Variants in EPB41L3 observed in about 807,000 individuals in gnomAD.
The protein encoded by EPB41L3 is erythrocyte membrane protein band 4.1 like 3.
Under a neutral mutation model 127.1 loss-of-function variants are expected in EPB41L3, and 57 were observed. The ratio of observed to expected loss-of-function variants is 0.45; its 90% CI spans 0.36 to 0.56. EPB41L3 has a LOEUF of 0.56. EPB41L3 is among the 20% of genes least tolerant of loss of function. The pLI is 0.00. For synonymous variants in EPB41L3, 572 were observed against 549.5 expected, an observed-to-expected ratio of 1.04 and a Z score of -0.57; for missense variants, 1,273 against 1,372.2, an observed-to-expected ratio of 0.93 and a Z score of 1.14.
At chr18:5,441,013 A>G (rs2080633637) in intron 5 of EPB41L3, among the ~76,000 whole-genome samples, 1 of 152,132 alleles carries the variant, frequency 6.6e-6, no homozygotes, top group African/African-American at 2.4e-5. Flanking sequence ...AGTAGCCAGG[A>G]CTAACTAACT....
chr18:5,447,619 C>T (rs375005290), intron 3 of EPB41L3, among the ~76,000 whole-genome samples: 6 of 152,128 alleles, frequency 3.9e-5, no homozygotes, highest in East Asian at 1.9e-4. Context: ...CATTTTCTGA[C>T]GCAAGAGACC....
intron 3 of EPB41L3, among the ~76,000 whole-genome samples, chr18:5,597,181 C>T (rs2094545100): frequency 6.6e-6 from 1 of 152,194 alleles, no homozygotes; most frequent in African/African-American, 2.4e-5. Flanking sequence ...CTAATCTCCC[C>T]CTCATGCCAC....
chr18:5,609,845 C>T (rs2094705374), intron 3 of EPB41L3, among the ~76,000 whole-genome samples: 1 of 151,562 alleles, frequency 6.6e-6, no homozygotes, highest in Admixed American at 6.6e-5. Flanking sequence ...CATAAAGAAG[C>T]ATTATTAAAT....
In EPB41L3 at chr18:5,475,502, C is replaced by A. The variant is rs1416970217; in HGVS notation, c.381+2739G>T. ...AAACAGGATGGCTCGCTGCCTTCTG[C>A]AAACCTAACACTATGCTTCCACGGA... On this transcript the variant is annotated intron_variant, in intron 3 of 22. Coordinates refer to ENST00000341928, the MANE Select transcript of EPB41L3 (RefSeq NM_012307.5). Among the ~76,000 whole-genome samples the A allele has an allele frequency of 2.0e-5, 3 of 152,226 alleles. No individual in the cohort carries two copies. The East Asian group carries it at 5.8e-4, about 29-fold the overall frequency.
intron 3 of EPB41L3, among the ~76,000 whole-genome samples, chr18:5,576,241 A>C (rs960979418): frequency 6.6e-6 from 1 of 152,208 alleles, no homozygotes; most frequent in African/African-American, 2.4e-5. Flanking sequence ...AATAGGAATA[A>C]TACTTAAAAT....
At chr18:5,566,793 C>CTATTCTATTCTATTCTATTCT (rs747649790) in intron 3 of EPB41L3, among the ~76,000 whole-genome samples, 7 of 88,360 alleles carry the variant, frequency 7.9e-5, no homozygotes, top group South Asian at 4.0e-4. Flanking sequence ...TATTCTATTC[C>CTATTCTATTCTATTCTATTCT]ATTCCATTCC....
At chr18:5,532,869 G>C (rs1260551148) in intron 1 of EPB41L3, among the ~76,000 whole-genome samples, 1 of 152,046 alleles carries the variant, frequency 6.6e-6, no homozygotes, top group Non-Finnish European at 1.5e-5. Context: ...TTCTAGTCAG[G>C]AGAAGACTCA....
intron 1 of EPB41L3, among the ~76,000 whole-genome samples, chr18:5,624,639 G>C (rs2094901957): frequency 6.6e-6 from 1 of 152,136 alleles, no homozygotes; most frequent in Non-Finnish European, 1.5e-5. Context: ...CATGGGATTG[G>C]AACAACATTC....
chr18:5,448,132 C>T (rs1380301592), intron 3 of EPB41L3, among the ~76,000 whole-genome samples: 1 of 152,144 alleles, frequency 6.6e-6, no homozygotes, highest in Non-Finnish European at 1.5e-5. Flanking sequence ...TTCTACTGAG[C>T]AAGATGTTTA....
intron 3 of EPB41L3, among the ~76,000 whole-genome samples, chr18:5,559,883 T>C (rs1054592326): frequency 3.3e-5 from 5 of 152,242 alleles, no homozygotes; most frequent in African/African-American, 2.4e-5. Context: ...AAAGTTGTTA[T>C]TACCATACCT....
At chr18:5,398,196 G>A (rs2073906393) in intron 16 of EPB41L3, 53 bp from the exon 17 acceptor site, 1 of 1,603,906 alleles carries the variant, frequency 6.2e-7, no homozygotes, top group Non-Finnish European at 8.5e-7. Context: ...CACAAACTCA[G>A]GCACATAAAC....
At chr18:5,628,467 T>C (rs2094948377) in intron 1 of EPB41L3, among the ~76,000 whole-genome samples, 1 of 152,092 alleles carries the variant, frequency 6.6e-6, no homozygotes, top group Admixed American at 6.5e-5. Context: ...CTGGGTTGGG[T>C]CCGCCTGGCC....
rs528466796 is a variant in EPB41L3, at chr18:5,594,988, G to A, written c.-306+17352C>T. Among the ~76,000 whole-genome samples, 3 of 152,260 alleles carry A rather than the reference G, an allele frequency of 2.0e-5. No individual in the cohort carries two copies. The East Asian group carries it at 5.8e-4, about 29-fold the overall frequency. On this transcript the variant is annotated intron_variant, in intron 3 of 21. Coordinates refer to the EPB41L3 transcript ENST00000545076. ...CTTATGAGAAACTACTAAGTATACA[G>A]AATTAATCAATCCACACTAGGCACA...
intron 5 of EPB41L3, among the ~76,000 whole-genome samples, chr18:5,440,358 GA>G (rs967055677): frequency 1.3e-5 from 2 of 151,714 alleles, no homozygotes; most frequent in Admixed American, 6.6e-5. Flanking sequence ...CCCCAATAAA[GA>G]AAAAAAAGTC....
At position 5,397,717 on chromosome 18, in the gene EPB41L3, G is replaced by A. The variant is rs185915374; in HGVS notation, c.2473-291C>T. Among the ~76,000 whole-genome samples, 24 of 152,264 alleles carry A rather than the reference G, an allele frequency of 1.6e-4. No homozygotes were observed. The highest frequency in any genetic ancestry group is 4.8e-4 in the African/African-American group (20 of 41,552). ...AAAACAAAAACCAAAGCATTGCAGC[G>A]CATTCACGTTGGTTTTGGCTGCTTT... On this transcript the variant is annotated intron_variant, in intron 17 of 22. Transcript: ENST00000341928. This position sits in a 1 kb window ranked among gnomAD's most constrained non-coding sequence, Gnocchi z 4.1.
chr18:5,559,331 A>T (rs1227242949), intron 3 of EPB41L3, among the ~76,000 whole-genome samples: 1 of 152,300 alleles, frequency 6.6e-6, no homozygotes, highest in East Asian at 1.9e-4. Flanking sequence ...GACTTTTTGC[A>T]AAGGCAAAAA....
chr18:5,501,438 A>G (rs553957046), intron 1 of EPB41L3, among the ~76,000 whole-genome samples: 2 of 152,212 alleles, frequency 1.3e-5, no homozygotes, highest in African/African-American at 2.4e-5. Context: ...CACTAAACAG[A>G]AACGAACACC....
chr18:5,433,676 G>T, intron 7 of EPB41L3, 120 bp from the exon 8 acceptor site: 1 of 935,196 alleles, frequency 1.1e-6, no homozygotes, highest in Non-Finnish European at 1.6e-6. Context: ...GCAGATACAT[G>T]AGAAAAGAAT....
intron 1 of EPB41L3, among the ~76,000 whole-genome samples, chr18:5,530,071 A>G (rs1178312213): frequency 6.6e-6 from 1 of 151,712 alleles, no homozygotes; most frequent in East Asian, 1.9e-4. Context: ...CAAAGTATTC[A>G]TTTTTCTCCA....
Sources: gnomAD v4.1 joint callset for allele counts (sites outside exome capture counted in the v4.1 genomes callset) on GRCh38, gnomAD v4.1.1 for gene constraint, Gnocchi (gnomAD v3.1) non-coding constraint, MANE v1.5 for transcripts, NCBI Gene and HGNC (gene_info 2026-07-23, HGNC 2026-07-21) for gene names.